ZNF331: variants seen among roughly 807,000 people sequenced by gnomAD.
ZNF331 encodes the protein zinc finger protein 331, also known as C2H2-like zinc finger protein rearranged in thyroid adenomas.
In ZNF331, 2 loss-of-function variants were observed where a neutral mutation model predicts 7.0. The ratio of observed to expected loss-of-function variants is 0.29; its 90% CI spans 0.12 to 0.90. The LOEUF is 0.90. Among genes scored for constraint, ZNF331 ranks in the 40% least tolerant of loss-of-function variants. The pLI is 0.58. For missense variants in ZNF331, 432 were observed against 587.7 expected (o/e 0.74, Z 2.74); for synonymous variants, 196 against 205.4 (o/e 0.95, Z 0.39).
chr19:53,577,279 A>T lies in ZNF331; in HGVS notation c.719A>T (p.Glu240Val), dbSNP rs2147722108. ...CAGCACCAGAGATTCCACACTGGGG[A>T]GAAAGACTACGAATGCAAAGACTGT... ...LTQHQRFHTG[E>V]KDYECKDCGK... is the part of the protein sequence containing the mutation. Residue 240 changes from glutamate (E) to valine (V), a missense_variant, in exon 6 of 6, where the codon GAG becomes GTG. Glu to Val is a moderately radical substitution (Grantham distance 121, BLOSUM62 -2). This residue lies in a region of ZNF331 where 312 missense variants were observed against 448.6 expected (regional missense o/e 0.70). Transcript: ENST00000449416. 5 of 1,614,096 alleles carry T rather than the reference A, an allele frequency of 3.1e-6. No individual in the cohort carries two copies. In the East Asian group the frequency reaches 1.1e-4, roughly 36 times the overall value.
the ZNF331 span, among the ~76,000 whole-genome samples, chr19:53,508,532 G>T: frequency 6.6e-6 from 1 of 151,814 alleles, no homozygotes; most frequent in Non-Finnish European, 1.5e-5. Flanking sequence ...TCCAGAAGGA[G>T]ACATCCTTTT....
At chr19:53,508,560 GTGATCTCTTCTTGACAGCCTCCAGGAA>G in the ZNF331 span, among the ~76,000 whole-genome samples, 1 of 152,034 alleles carries the variant, frequency 6.6e-6, no homozygotes, top group Non-Finnish European at 1.5e-5. Context: ...TCTTCTTGAC[GTGATCTCTTCTTGACAGCCTCCAGGAA>G]TGATCTCTTC....
At chr19:53,566,922 C>T (rs74932722) in intron 3 of ZNF331, among the ~76,000 whole-genome samples, 36,743 of 151,578 alleles carry the variant, frequency 0.24, 4,712 homozygotes, top group Middle Eastern at 0.31. Flanking sequence ...GCATTCCCTC[C>T]TTCCCTCTCT....
intron 3 of ZNF331, among the ~76,000 whole-genome samples, chr19:53,564,818 T>C (rs2090077777): frequency 6.6e-6 from 1 of 152,206 alleles, no homozygotes; most frequent in Non-Finnish European, 1.5e-5. Flanking sequence ...TTTACTGTTA[T>C]TTTGCAAGGT....
chr19:53,559,485 CAT>C (rs1237228671), intron 3 of ZNF331, among the ~76,000 whole-genome samples: 3 of 147,816 alleles, frequency 2.0e-5, no homozygotes, highest in Admixed American at 6.7e-5. Context: ...ATGCACACAC[CAT>C]ATATATGCAT....
rs1568559213 is a variant in ZNF331 at position 53,578,505 on chromosome 19, T to A, written c.*553T>A. 9.0e-6 allele frequency: 2 copies of A among 222,870 alleles called. No homozygotes were observed. The highest frequency in any genetic ancestry group is 1.8e-5 in the Non-Finnish European group (2 of 111,880). The allele number at this position is 222,870 out of a possible 1,614,324, so 13.8% of individuals were successfully genotyped here. A position where few individuals can be genotyped will look rare whatever the true frequency, so the allele number is the denominator to read the frequency against. On this transcript the variant is annotated 3_prime_UTR_variant, in exon 6 of 6. Coordinates refer to ENST00000449416, the MANE Select transcript of ZNF331 (RefSeq NM_001079906.2). The stretch of plus-strand genomic sequence containing the variant: ...TACATATATTGTTACAATTGTTCTA[T>A]TTTGTTAGTTACTGTTGGTAATCTC...
chr19:53,520,315 G>A (rs1231269702), upstream of ZNF331, among the ~76,000 whole-genome samples: 1 of 152,172 alleles, frequency 6.6e-6, no homozygotes, highest in Non-Finnish European at 1.5e-5. Context: ...CCAAAGTGCT[G>A]AGATTACAGG....
Position 53,577,552 on chromosome 19 carries a change from A to G in ZNF331, c.992A>G (p.Glu331Gly), listed in dbSNP as rs569421174. 1 of 1,612,882 alleles carries G rather than the reference A, an allele frequency of 6.2e-7. No individual in the cohort carries two copies. The highest frequency in any genetic ancestry group is 8.5e-7 in the Non-Finnish European group (1 of 1,179,006). ...GGTGAGAAGCCTCACGAATGTAAGG[A>G]GTGTGGGAAGGCCTTTCGCTGGGGT... is the stretch of plus-strand genomic sequence containing the variant. ...HTGEKPHECK[E>G]CGKAFRWGSS... Residue 331 changes from glutamate (E) to glycine (G), a missense_variant, in exon 6 of 6, where the codon GAG becomes GGG. Glu to Gly is a moderately conservative substitution (Grantham distance 98, BLOSUM62 -2). Transcript: ENST00000449416.
chr19:53,546,140 G>GAAAAAAAAAAAAAAAAAAAA (rs527391326), intron 2 of ZNF331, among the ~76,000 whole-genome samples: 1,668 of 113,096 alleles, frequency 0.015, 79 homozygotes, highest in East Asian at 0.021. Context: ...TCCTGAGGGG[G>GAAAAAAAAAAAAAAAAAAAA]AAAAAAAAAA....
In ZNF331 at chr19:53,560,474, G is replaced by A. The variant is rs1159712454; in HGVS notation, c.-74+4566G>A. The stretch of plus-strand genomic sequence containing the variant: ...GGATGTTCCATAACAGGAAGGTTAT[G>A]CCTGATTCAGTGACACTACTTTTTC... On this transcript the variant is annotated intron_variant, in intron 3 of 5. Coordinates refer to ENST00000449416, the MANE Select transcript of ZNF331 (RefSeq NM_001079906.2). The surrounding 1 kb of genome is among the most constrained non-coding windows in gnomAD (Gnocchi z 4.3). Among the ~76,000 whole-genome samples the A allele has an allele frequency of 6.6e-6, 1 of 152,138 alleles. No individual in the cohort carries two copies. The highest frequency in any genetic ancestry group is 1.5e-5 in the Non-Finnish European group (1 of 68,022).
At chr19:53,508,248 C>T in the ZNF331 span, among the ~76,000 whole-genome samples, 1 of 152,114 alleles carries the variant, frequency 6.6e-6, no homozygotes, top group Admixed American at 6.5e-5. Flanking sequence ...TGGGGAGGCC[C>T]CTGACCATTC....
At chr19:53,570,008 C>A (rs1262656841) in intron 4 of ZNF331, among the ~76,000 whole-genome samples, 1 of 152,144 alleles carries the variant, frequency 6.6e-6, no homozygotes, top group Non-Finnish European at 1.5e-5. Flanking sequence ...GTAATCCCAG[C>A]ACTTTGGGAG....
At chr19:53,503,674 C>G in the ZNF331 span, 1 of 706,266 alleles carries the variant, frequency 1.4e-6, no homozygotes, top group Non-Finnish European at 2.6e-6. Context: ...GGGGAGTGTC[C>G]ATTGGCAGCA....
chr19:53,562,785 C>T (rs558186810), intron 3 of ZNF331, among the ~76,000 whole-genome samples: 4 of 151,240 alleles, frequency 2.6e-5, no homozygotes, highest in Non-Finnish European at 4.4e-5. Flanking sequence ...GTCAGGAGTT[C>T]GAGACCATAC....
At chr19:53,503,485 C>A in the ZNF331 span, 3 of 674,000 alleles carry the variant, frequency 4.5e-6, no homozygotes, top group South Asian at 5.0e-5. Context: ...ATTATCTGTC[C>A]TTTTACATCA....
intron 3 of ZNF331, among the ~76,000 whole-genome samples, chr19:53,568,017 A>C (rs374232383): frequency 6.6e-6 from 1 of 152,076 alleles, no homozygotes; most frequent in Admixed American, 6.6e-5. Flanking sequence ...TTGGGAGGAC[A>C]AGGAGGGCAG....
At chr19:53,549,718 TAA>T (rs147875703) in intron 2 of ZNF331, among the ~76,000 whole-genome samples, 1 of 151,450 alleles carries the variant, frequency 6.6e-6, no homozygotes, top group African/African-American at 2.4e-5. Flanking sequence ...AATTTTTTTT[TAA>T]AAATCTTTTC....
intron 3 of ZNF331, among the ~76,000 whole-genome samples, chr19:53,562,950 T>C (rs530567018): frequency 1.3e-5 from 2 of 151,612 alleles, no homozygotes; most frequent in Admixed American, 6.6e-5. Context: ...ATTGCGCCAC[T>C]GCACTCCAGC....
chr19:53,506,444 GTCTCTCTC>G, the ZNF331 span, among the ~76,000 whole-genome samples: 413 of 86,182 alleles, frequency 4.8e-3, 4 homozygotes, highest in South Asian at 0.028. Context: ...CTCTCTCTCT[GTCTCTCTC>G]TCTCTCTCTC....
Sources: allele counts gnomAD v4.1 joint callset (sites outside exome capture counted in the v4.1 genomes callset), GRCh38; gene constraint gnomAD v4.1.1; regional missense constraint gnomAD v4.1.1; non-coding constraint Gnocchi (gnomAD v3.1); transcripts MANE v1.5; gene names NCBI Gene and HGNC (gene_info 2026-07-23, HGNC 2026-07-21).